The following ZNF682 variants were observed in gnomAD, a reference collection of about 807,000 sequenced individuals.
ZNF682 encodes the protein zinc finger protein 682.
In ZNF682, 29 loss-of-function variants were observed where a neutral mutation model predicts 36.5. The ratio of observed to expected loss-of-function variants is 0.80; its 90% CI spans 0.59 to 1.08. The LOEUF (loss-of-function observed/expected upper bound fraction) is 1.08. ZNF682 is among the 50% of genes least tolerant of loss of function. ZNF682 has a pLI of 0.00. For missense variants in ZNF682, 561 were observed against 579.7 expected (o/e 0.97, Z 0.33); for synonymous variants, 180 against 197.0 (o/e 0.91, Z 0.72).
intron 3 of ZNF682, 51 bp from the exon 4 acceptor site, chr19:20,007,326 T>C: frequency 6.9e-7 from 1 of 1,452,328 alleles, no homozygotes; most frequent in Non-Finnish European, 9.2e-7. Flanking sequence ...CAGACTCAGA[T>C]ACATATACTT....
In ZNF682 at chr19:20,027,586, C is replaced by T. The variant is rs551544945; in HGVS notation, c.4-3210G>A. ...ACCAGGCTGACCAACATGGAGAAAC[C>T]TTGTCTCTACTAAAAATACAAAATT... On this transcript the variant is annotated intron_variant, in intron 1 of 3. Coordinates refer to ENST00000397165, the MANE Select transcript of ZNF682 (RefSeq NM_033196.3). 2.0e-5 allele frequency among the ~76,000 whole-genome samples: 3 copies of T among 152,206 alleles called. No homozygotes were observed. The South Asian group carries it at 6.2e-4, about 32-fold the overall frequency.
chr19:20,011,551 A>G (rs1285736287), intron 3 of ZNF682, among the ~76,000 whole-genome samples: 1 of 152,262 alleles, frequency 6.6e-6, no homozygotes, highest in Admixed American at 6.5e-5. Flanking sequence ...CCACATGCTC[A>G]GTCAAAACAG....
chr19:19,996,983 G>A (rs2088132043), downstream of ZNF682: 1 of 361,666 alleles, frequency 2.8e-6, no homozygotes, highest in South Asian at 1.5e-4. Context: ...AGCACACACA[G>A]ACACACACAC....
intron 3 of ZNF682, among the ~76,000 whole-genome samples, chr19:20,016,928 TATA>T (rs1180271134): frequency 6.6e-5 from 10 of 152,136 alleles, no homozygotes; most frequent in Non-Finnish European, 1.5e-4. Flanking sequence ...TACGAAATGA[TATA>T]ATGTGACACT....
intron 3 of ZNF682, among the ~76,000 whole-genome samples, chr19:19,999,218 T>C (rs1056236518): frequency 6.6e-6 from 1 of 152,230 alleles, no homozygotes; most frequent in African/African-American, 2.4e-5. Context: ...ATAAGCTTCC[T>C]AGTCCATGGT....
chr19:20,030,256 C>G (rs2088468276), intron 1 of ZNF682, among the ~76,000 whole-genome samples: 1 of 152,070 alleles, frequency 6.6e-6, no homozygotes, highest in Non-Finnish European at 1.5e-5. Context: ...TTAGTCTTCA[C>G]AAGGTAAAAG....
intron 1 of ZNF682, among the ~76,000 whole-genome samples, chr19:20,036,611 A>G (rs1212244400): frequency 8.3e-5 from 1 of 12,110 alleles, no homozygotes; most frequent in Non-Finnish European, 1.8e-4. Flanking sequence ...CATCTCAAAA[A>G]AAAAAAAAAA....
downstream of ZNF682, among the ~76,000 whole-genome samples, chr19:19,995,525 T>C (rs2088124505): frequency 6.6e-6 from 1 of 152,196 alleles, no homozygotes; most frequent in African/African-American, 2.4e-5. Context: ...ATAATGAATG[T>C]ATAGGAATAG....
At chr19:19,995,732 G>A (rs751445330), downstream of ZNF682, among the ~76,000 whole-genome samples, 11 of 150,950 alleles carry the variant, frequency 7.3e-5, no homozygotes, top group Non-Finnish European at 1.2e-4. Flanking sequence ...TCCAGAGTTG[G>A]CCACCCATCT....
downstream of ZNF682, among the ~76,000 whole-genome samples, chr19:19,996,429 G>A (rs180838799): frequency 2.1e-3 from 321 of 152,272 alleles, 2 homozygotes; most frequent in Non-Finnish European, 3.8e-3. Flanking sequence ...TATGGAACTA[G>A]ATAAAATGCC....
intron 1 of ZNF682, among the ~76,000 whole-genome samples, chr19:20,033,140 A>G (rs1987408): frequency 0.78 from 119,270 of 151,986 alleles, 46,952 homozygotes; most frequent in Middle Eastern, 0.87. Flanking sequence ...TGTGGTGGGC[A>G]CCTGTAATCT....
At chr19:20,030,181 A>G (rs2088467785) in intron 1 of ZNF682, among the ~76,000 whole-genome samples, 2 of 152,230 alleles carry the variant, frequency 1.3e-5, no homozygotes, top group African/African-American at 4.8e-5. Flanking sequence ...TATAACATAC[A>G]GTAACAAGGA....
intron 3 of ZNF682, among the ~76,000 whole-genome samples, chr19:20,017,580 G>T (rs12977293): frequency 0.57 from 86,144 of 151,922 alleles, 24,731 homozygotes; most frequent in Middle Eastern, 0.66. Flanking sequence ...TTGACAGAAG[G>T]TAAGCAAGAA....
At chr19:20,015,159 G>T in intron 3 of ZNF682, 1 of 977,620 alleles carries the variant, frequency 1.0e-6, no homozygotes, top group Non-Finnish European at 1.2e-6. Context: ...AAGTTATAAA[G>T]CTTTTCAAAA....
Position 20,029,535 on chromosome 19 carries a change from A to G in ZNF682, c.4-5159T>C, listed in dbSNP as rs147982740. Among the ~76,000 whole-genome samples the G allele has an allele frequency of 1.2e-4, 18 of 151,228 alleles. No individual in the cohort carries two copies. In the East Asian group the frequency reaches 3.4e-3, roughly 28 times the overall value. ...AGAACTGCTTGAACTTGGGAGGCAG[A>G]GGTTGCAGCGAGCAGAAATCATACC... On this transcript the variant is annotated intron_variant, in intron 1 of 3. Transcript: ENST00000397165.
Position 20,006,527 on chromosome 19 carries a change from G to A in ZNF682, c.975C>T (p.Cys325=), listed in dbSNP as rs778945409. The A allele has an allele frequency of 1.2e-6, 2 of 1,614,080 alleles. No individual in the cohort carries two copies. The highest frequency in any genetic ancestry group is 4.5e-5 in the East Asian group (2 of 44,866). The change falls in exon 4 of 4, where the codon TGC becomes TGT. Residue 325 remains cysteine, a synonymous_variant. Coordinates refer to ENST00000397165, the MANE Select transcript of ZNF682 (RefSeq NM_033196.3). ...TTCTCTCATGTATAGTAAGTAGTGAGCAGTGGTTAAAGGCTTTCCCACATT... is the reference window on the plus strand; with the variant it reads ...TTCTCTCATGTATAGTAAGTAGTGAACAGTGGTTAAAGGCTTTCCCACATT... ...CKECGKAFNH[C]SLLTIHERTH... is the part of the protein sequence containing the mutation.
At position 20,007,054 on chromosome 19, in the gene ZNF682, A is replaced by G. The variant is rs745371526; in HGVS notation, c.448T>C (p.Cys150Arg). The G allele has an allele frequency of 8.1e-6, 13 of 1,613,436 alleles. No individual in the cohort carries two copies. Among genetic ancestry groups the G allele is most frequent in the Non-Finnish European group, 1.1e-5 (13 of 1,179,860 alleles). The change falls in exon 4 of 4, where the codon TGT becomes CGT. Residue 150 changes from cysteine (C) to arginine (R), a missense_variant. Coordinates refer to ENST00000397165, the MANE Select transcript of ZNF682 (RefSeq NM_033196.3). ...LPSKIFPYNK[C>R]VKVFSKSSNL... ...GATGATTTACTAAAGACTTTCACACATTTATTATATGGGAAAATTTTGCTA... is the reference window on the plus strand; with the variant it reads ...GATGATTTACTAAAGACTTTCACACGTTTATTATATGGGAAAATTTTGCTA...
downstream of ZNF682, among the ~76,000 whole-genome samples, chr19:20,000,492 C>T (rs2088159939): frequency 6.6e-6 from 1 of 152,166 alleles, no homozygotes; most frequent in Admixed American, 6.5e-5. Context: ...TAGACAGCCC[C>T]ACACCACCCC....
At chr19:19,997,742 C>G (rs531709584) in intron 3 of ZNF682, among the ~76,000 whole-genome samples, 2 of 152,214 alleles carry the variant, frequency 1.3e-5, no homozygotes, top group Non-Finnish European at 2.9e-5. Flanking sequence ...CACTTGGAGC[C>G]TCCGGATGCT....
Sources: gnomAD v4.1 joint callset for allele counts (sites outside exome capture counted in the v4.1 genomes callset) on GRCh38, gnomAD v4.1.1 for gene constraint, MANE v1.5 for transcripts, NCBI Gene and HGNC (gene_info 2026-07-23, HGNC 2026-07-21) for gene names.